Variants in VNN2 observed in about 807,000 individuals in gnomAD.
The protein encoded by VNN2 is vanin 2, also known as pantetheine hydrolase VNN2.
In VNN2, 43 loss-of-function variants were observed where a neutral mutation model predicts 43.0. The observed-to-expected ratio is 1.00, with a 90% CI of 0.78 to 1.29. The LOEUF (loss-of-function observed/expected upper bound fraction) is 1.29, where lower values mean the gene tolerates loss of function less well. Among genes scored for constraint, VNN2 ranks in the 50% most tolerant of loss-of-function variants. The pLI is 0.00. For synonymous variants in VNN2, 230 were observed against 224.3 expected (o/e 1.03, Z -0.23); for missense variants, 652 against 619.7 (o/e 1.05, Z -0.55).
At chr6:132,756,160 A>T in intron 2 of VNN2, 125 bp from the exon 3 acceptor site, 1 of 891,462 alleles carries the variant, frequency 1.1e-6, no homozygotes, top group Non-Finnish European at 1.6e-6. Flanking sequence ...ATGCCTAAAA[A>T]TATCATACTT....
chr6:132,749,893 C>T (rs779723838), intron 5 of VNN2, 28 bp from the exon 6 acceptor site: 2 of 1,594,852 alleles, frequency 1.3e-6, no homozygotes, highest in Admixed American at 3.5e-5. Context: ...AGATAAAACG[C>T]AATGCCTTAC....
chr6:132,750,563 C>T (rs558468997), intron 5 of VNN2, among the ~76,000 whole-genome samples: 35 of 139,302 alleles, frequency 2.5e-4, no homozygotes, highest in African/African-American at 8.8e-4. Flanking sequence ...ACTCAGGAGG[C>T]TGAGGCATGA....
At chr6:132,758,341 C>T (rs1008112357), upstream of VNN2, among the ~76,000 whole-genome samples, 4 of 152,030 alleles carry the variant, frequency 2.6e-5, no homozygotes, top group Non-Finnish European at 5.9e-5. Flanking sequence ...CTGCACTTGG[C>T]CTACTTTATA....
upstream of VNN2, among the ~76,000 whole-genome samples, chr6:132,759,874 T>TA (rs548423943): frequency 2.9e-3 from 445 of 152,350 alleles, 1 homozygote; most frequent in African/African-American, 9.5e-3. Context: ...GCAGATTGTA[T>TA]AATAGACTGT....
At position 132,744,462 on chromosome 6, in the gene VNN2, C is replaced by A; in HGVS notation, c.1401G>T (p.Lys467Asn). 6.3e-7 allele frequency: 1 copy of A among 1,591,118 alleles called. No homozygotes were observed. Among genetic ancestry groups the A allele is most frequent in the Non-Finnish European group, 8.5e-7 (1 of 1,172,134 alleles). Residue 467 changes from lysine (K) to asparagine (N), a missense_variant, in exon 7 of 7, where the codon AAG (lysine) becomes AAT (asparagine). Lys to Asn is a moderately conservative substitution (Grantham distance 94). Transcript: ENST00000326499. ...EVLKDGRLVNKNGSSGPILTV... is the reference protein window; with the variant it reads ...EVLKDGRLVNNNGSSGPILTV... ...TTAGTATAGGCCCAGATGATCCATTCTTGTTTACCAAACGCCCATCTTTCA... is the reference window on the plus strand; with the variant it reads ...TTAGTATAGGCCCAGATGATCCATTATTGTTTACCAAACGCCCATCTTTCA...
chr6:132,749,961 A>G (rs1308596873), intron 5 of VNN2, 96 bp from the exon 6 acceptor site: 1 of 1,169,834 alleles, frequency 8.5e-7, no homozygotes, highest in Admixed American at 2.7e-5. Context: ...CGAAGCAAAC[A>G]TTATCTTTCT....
rs1427812135 is a variant in VNN2 at position 132,752,596 on chromosome 6, T to G, written c.691A>C (p.Thr231Pro). Residue 231 changes from threonine (T) to proline (P), a missense_variant, in exon 4 of 7, where the codon ACC (threonine) becomes CCC (proline). Physicochemically the swap from Thr to Pro is conservative, Grantham distance 38. Coordinates refer to ENST00000326499, the MANE Select transcript of VNN2 (RefSeq NM_004665.6). Reference sequence around the variant, plus strand: ...ATCCAAGCTGTGGGAAACAGTATGGTGTCCACATGGAAATCTTTCACCAGG... The same window carrying G: ...ATCCAAGCTGTGGGAAACAGTATGGGGTCCACATGGAAATCTTTCACCAGG... ...VTLVKDFHVD[T>P]ILFPTAWMNV... 1 of 1,614,038 alleles carries G rather than the reference T, an allele frequency of 6.2e-7. No individual in the cohort carries two copies. Among genetic ancestry groups the G allele is most frequent in the Non-Finnish European group, 8.5e-7 (1 of 1,180,030 alleles).
chr6:132,757,493 G>A lies in VNN2; in HGVS notation c.267C>T (p.Thr89=), dbSNP rs776427723. 1.2e-6 allele frequency: 2 copies of A among 1,614,042 alleles called. No individual in the cohort carries two copies. Among genetic ancestry groups the A allele is most frequent in the African/African-American group, 1.3e-5 (1 of 75,004 alleles). ...PEDALYGWKF[T]RETVFPYLED... is the part of the protein sequence containing the mutation. ...CCAGATAAGGGAAAACAGTTTCCCTGGTAAATTTCCATCCATAAAGTGCAT... is the reference window on the plus strand; with the variant it reads ...CCAGATAAGGGAAAACAGTTTCCCTAGTAAATTTCCATCCATAAAGTGCAT... Residue 89 remains threonine (T), a synonymous_variant, in exon 2 of 7, where the codon ACC becomes ACT. Coordinates refer to ENST00000326499, the MANE Select transcript of VNN2 (RefSeq NM_004665.6).
intron 1 of VNN2, 40 bp from the exon 2 acceptor site, chr6:132,757,586 A>G (rs1191091853): frequency 1.2e-6 from 2 of 1,609,284 alleles, no homozygotes; most frequent in Non-Finnish European, 1.7e-6. Flanking sequence ...TTTTCCATGT[A>G]CAACACAGAC....
At chr6:132,749,409 C>T (rs1562243002) in intron 6 of VNN2, among the ~76,000 whole-genome samples, 3 of 152,020 alleles carry the variant, frequency 2.0e-5, no homozygotes, top group Non-Finnish European at 2.9e-5. Flanking sequence ...CTTAATAATC[C>T]CAGCTGTCCA....
rs116098891 is a variant in VNN2 at position 132,747,028 on chromosome 6, A to G, written c.1372-2537T>C. Reference sequence around the variant, plus strand: ...GGCTCTTTCATATCTTTTTTGGTGTAATACAATCTATATCTCATTTCCTTC... The same window carrying G: ...GGCTCTTTCATATCTTTTTTGGTGTGATACAATCTATATCTCATTTCCTTC... On this transcript the variant is annotated intron_variant, in intron 6 of 6. Transcript: ENST00000326499. Among the ~76,000 whole-genome samples, 391 of 152,226 alleles carry G rather than the reference A, an allele frequency of 2.6e-3. 7 individuals are homozygous for G. Among genetic ancestry groups the G allele is most frequent in the African/African-American group, 9.1e-3 (376 of 41,536 alleles).
At chr6:132,756,664 T>C (rs1179827208) in intron 2 of VNN2, among the ~76,000 whole-genome samples, 1 of 152,204 alleles carries the variant, frequency 6.6e-6, no homozygotes, top group African/African-American at 2.4e-5. Context: ...CTTCTTCGAC[T>C]CTTCTGCTGA....
In VNN2 at chr6:132,757,816, T is replaced by C; in HGVS notation, c.68A>G (p.Gln23Arg). The C allele has an allele frequency of 1.2e-6, 2 of 1,614,102 alleles. No homozygotes were observed. Among genetic ancestry groups the C allele is most frequent in the Non-Finnish European group, 8.5e-7 (1 of 1,180,022 alleles). Residue 23 changes from glutamine (Q) to arginine (R), a missense_variant, in exon 1 of 7, where the codon CAG (glutamine) becomes CGG (arginine). Transcript: ENST00000326499. Reference sequence around the variant, plus strand: ...ATACACTGCAGCTATAAAACTGTCCTGAGTACCAACCTGCAGGGTTATTAG... The same window carrying C: ...ATACACTGCAGCTATAAAACTGTCCCGAGTACCAACCTGCAGGGTTATTAG... ...FALITLQVGT[Q>R]DSFIAAVYEH...
rs1314029372 is a variant in VNN2, at chr6:132,744,446, GC to G, written c.1416del (p.Pro473LeufsTer3). On this transcript the variant is annotated frameshift_variant, in exon 7 of 7. Coordinates refer to ENST00000326499, the MANE Select transcript of VNN2 (RefSeq NM_004665.6). LOFTEE classifies it low-confidence loss of function (END_TRUNC). ...CCAAAGAGTGACACTGTTAGTATAG[GC>G]CCAGATGATCCATTCTTGTTTACCA... ...GRLVNKNGSS[G>X]PILTVSLFGR... 6.2e-7 allele frequency: 1 copy of G among 1,606,364 alleles called. No homozygotes were observed. The highest frequency in any genetic ancestry group is 1.1e-5 in the South Asian group (1 of 89,318).
At chr6:132,759,981 G>A (rs1207854541), upstream of VNN2, among the ~76,000 whole-genome samples, 1 of 152,172 alleles carries the variant, frequency 6.6e-6, no homozygotes, top group East Asian at 1.9e-4. Flanking sequence ...TAGAAATCAT[G>A]TAACCCAAAT....
At chr6:132,759,438 C>CAAAAAAAAAAAAAAAAAA (rs58195059), upstream of VNN2, among the ~76,000 whole-genome samples, 13 of 69,150 alleles carry the variant, frequency 1.9e-4, no homozygotes, top group Admixed American at 3.4e-4. Flanking sequence ...AACTCCGTCT[C>CAAAAAAAAAAAAAAAAAA]AAAAAAAAAA....
chr6:132,749,619 C>T, intron 6 of VNN2, 76 bp downstream of exon 6: 2 of 1,356,756 alleles, frequency 1.5e-6, no homozygotes, highest in Non-Finnish European at 2.0e-6. Flanking sequence ...AGTTAACTGG[C>T]AGAGTGGCTA....
chr6:132,753,047 A>G (rs1780227317), intron 3 of VNN2: 1 of 265,624 alleles, frequency 3.8e-6, no homozygotes, highest in Admixed American at 4.9e-5. Flanking sequence ...TTTAAATTTA[A>G]TTTAATTTTA....
At chr6:132,749,663 A>G (rs751961644) in intron 6 of VNN2, 32 bp downstream of exon 6, 1 of 1,580,688 alleles carries the variant, frequency 6.3e-7, no homozygotes, top group Non-Finnish European at 8.6e-7. Flanking sequence ...AGAACATATA[A>G]AATGAAAATA....
Sources: gnomAD v4.1 joint callset for allele counts (sites outside exome capture counted in the v4.1 genomes callset) on GRCh38, gnomAD v4.1.1 for gene constraint, MANE v1.5 for transcripts, NCBI Gene and HGNC (gene_info 2026-07-23, HGNC 2026-07-21) for gene names.